Variants in DGLUCY observed in about 807,000 individuals in gnomAD.
DGLUCY encodes D-glutamate cyclase, mitochondrial.
In DGLUCY, 58 loss-of-function variants were observed where a neutral mutation model predicts 58.5. The ratio of observed to expected loss-of-function variants is 0.99; its 90% confidence interval spans 0.80 to 1.23. The LOEUF is 1.23. Ranked by LOEUF, DGLUCY falls within the 50% of genes most tolerant of loss-of-function variation. DGLUCY has a pLI of 0.00. For synonymous variants in DGLUCY, 325 were observed against 314.1 expected (o/e 1.03, Z -0.37); for missense variants, 779 against 784.7 (o/e 0.99, Z 0.09).
chr14:91,201,446 A>G (rs2050554247), intron 11 of DGLUCY, among the ~76,000 whole-genome samples: 1 of 151,956 alleles, frequency 6.6e-6, no homozygotes, highest in Non-Finnish European at 1.5e-5. Context: ...CTATAGGCGC[A>G]TGCCACCACG....
chr14:91,143,974 G>A (rs1281382717), intron 1 of DGLUCY, among the ~76,000 whole-genome samples: 2 of 152,092 alleles, frequency 1.3e-5, no homozygotes, highest in African/African-American at 2.4e-5. Flanking sequence ...GTGCCACCGC[G>A]AAGGGCCACC....
upstream of DGLUCY, among the ~76,000 whole-genome samples, chr14:91,113,759 C>T (rs1051062513): frequency 2.6e-5 from 4 of 152,218 alleles, no homozygotes; most frequent in Non-Finnish European, 4.4e-5. Context: ...TCCCAGTGCA[C>T]ACTGAAGTTT....
chr14:91,162,713 A>G (rs975349650), intron 3 of DGLUCY, among the ~76,000 whole-genome samples: 2 of 152,194 alleles, frequency 1.3e-5, no homozygotes, highest in African/African-American at 4.8e-5. Context: ...CCCGGCCAAC[A>G]TGGAGAAATC....
At chr14:91,206,941 A>G (rs1466572710) in intron 12 of DGLUCY, among the ~76,000 whole-genome samples, 1 of 152,074 alleles carries the variant, frequency 6.6e-6, no homozygotes, top group African/African-American at 2.4e-5. Flanking sequence ...TTAAGAAAGA[A>G]TAAATAAGAA....
chr14:91,201,465 A>G (rs113506752), intron 11 of DGLUCY, among the ~76,000 whole-genome samples: 1 of 151,856 alleles, frequency 6.6e-6, no homozygotes, highest in Non-Finnish European at 1.5e-5. Context: ...CGCCCAGCTA[A>G]TTTTTGTATT....
intron 1 of DGLUCY, among the ~76,000 whole-genome samples, chr14:91,129,936 C>T (rs536159452): frequency 6.6e-6 from 1 of 152,302 alleles, no homozygotes; most frequent in Non-Finnish European, 1.5e-5. Flanking sequence ...CATGAGCTAC[C>T]GTGCCCAGCC....
In DGLUCY at chr14:91,074,108, T is replaced by A. The variant is rs866885992; in HGVS notation, c.-82+13404T>A. ...TCATCTCTACCAAAAAAAAAAAATA[T>A]ATATATATATACACACACACACACA... On this transcript the variant is annotated intron_variant, in intron 1 of 4. Transcript: ENST00000521334. 3.9e-3 allele frequency among the ~76,000 whole-genome samples: 267 copies of A among 69,098 alleles called. 3 individuals are homozygous for A. Among genetic ancestry groups the A allele is most frequent in the Middle Eastern group, 0.014 (2 of 142 alleles). The allele number at this position is 69,098 out of a possible 152,430, so 45.3% of individuals were successfully genotyped here.
chr14:91,081,064 A>G (rs1021603070), intron 1 of DGLUCY, among the ~76,000 whole-genome samples: 19 of 152,264 alleles, frequency 1.2e-4, no homozygotes, highest in African/African-American at 4.1e-4. Flanking sequence ...TTAGCTGGGC[A>G]TGGCGGCATG....
At chr14:91,085,491 T>G (rs1426866206) in intron 1 of DGLUCY, among the ~76,000 whole-genome samples, 1 of 151,740 alleles carries the variant, frequency 6.6e-6, no homozygotes, top group Non-Finnish European at 1.5e-5. Flanking sequence ...TCAGTATCCA[T>G]GGAAGATTGG....
chr14:91,182,798 T>C (rs1403058282), intron 8 of DGLUCY, among the ~76,000 whole-genome samples: 2 of 152,180 alleles, frequency 1.3e-5, no homozygotes, highest in East Asian at 3.8e-4. Context: ...ATAACGCATC[T>C]CAGGGGAAGG....
chr14:91,137,471 C>G (rs2140234917), intron 1 of DGLUCY, among the ~76,000 whole-genome samples: 2 of 152,108 alleles, frequency 1.3e-5, no homozygotes, highest in South Asian at 4.1e-4. Flanking sequence ...CTGCAACCTC[C>G]ACCTTCCAGG....
At position 91,066,002 on chromosome 14, in the gene DGLUCY, G is replaced by A. The variant is rs953242256; in HGVS notation, c.-82+5298G>A. On this transcript the variant is annotated intron_variant, in intron 1 of 4. Transcript: ENST00000521334. ...GTGAAAAGGCTGAGACAGAGAGGTT[G>A]TCCAGCAAAAGGTCAGATTTCTGCT... is the stretch of plus-strand genomic sequence containing the variant. Among the ~76,000 whole-genome samples the A allele has an allele frequency of 1.8e-4, 27 of 152,138 alleles. 2 individuals carry two copies.
intron 12 of DGLUCY, among the ~76,000 whole-genome samples, chr14:91,208,062 C>G (rs574123724): frequency 6.6e-6 from 1 of 152,256 alleles, no homozygotes; most frequent in Non-Finnish European, 1.5e-5. Flanking sequence ...TTAATCTTTA[C>G]ATTACTGAAC....
chr14:91,163,619 C>T (rs1319981816), intron 3 of DGLUCY, among the ~76,000 whole-genome samples: 1 of 152,144 alleles, frequency 6.6e-6, no homozygotes, highest in East Asian at 1.9e-4. Context: ...CGGCGCTCCC[C>T]TCCTAGGGAA....
chr14:91,169,788 G>A lies in DGLUCY; in HGVS notation c.258-215G>A, dbSNP rs552397652. 8.5e-5 allele frequency among the ~76,000 whole-genome samples: 13 copies of A among 152,104 alleles called. No homozygotes were observed. In the South Asian group the frequency reaches 2.7e-3, roughly 32 times the overall value. ...CACACTGGGTGGGAGGTGGGGGTAC[G>A]TTCTATACGTGCTGATTTAATCGTT... On this transcript the variant is annotated intron_variant, in intron 4 of 13. Coordinates refer to ENST00000256324, the MANE Select transcript of DGLUCY (RefSeq NM_001102368.3).
In DGLUCY at chr14:91,189,084, A is replaced by G. The variant is rs1484108772; in HGVS notation, c.1109A>G (p.Gln370Arg). The change falls in exon 9 of 14, where the codon CAG becomes CGG. Residue 370 changes from glutamine (Q) to arginine (R), a missense_variant. Gln to Arg is a conservative substitution (Grantham distance 43). Transcript: ENST00000256324. ...PGAVALVAFL[Q>R]ALEKEVAIIV... The stretch of plus-strand genomic sequence containing the variant: ...GCTGTTGCTCTGGTTGCCTTCCTGC[A>G]GGCCTTGGAGAAGGAGGTCGCCATA... 2 of 1,614,060 alleles carry G rather than the reference A, an allele frequency of 1.2e-6. No individual in the cohort carries two copies. The highest frequency in any genetic ancestry group is 2.2e-5 in the East Asian group (1 of 44,888).
intron 1 of DGLUCY, among the ~76,000 whole-genome samples, chr14:91,087,262 A>C (rs937851209): frequency 2.0e-5 from 3 of 152,210 alleles, no homozygotes; most frequent in Non-Finnish European, 4.4e-5. Context: ...CCATTCAAAA[A>C]ATATTTATTG....
chr14:91,199,754 C>T lies in DGLUCY; in HGVS notation c.1296-3C>T. 1 of 1,614,026 alleles carries T rather than the reference C, an allele frequency of 6.2e-7. No homozygotes were observed. The highest frequency in any genetic ancestry group is 8.5e-7 in the Non-Finnish European group (1 of 1,179,916). The stretch of plus-strand genomic sequence containing the variant: ...CTGACCTCTGACCTTTGCTTCCCGG[C>T]AGATTTGACCACCTGGTGGCCATAG... On this transcript the variant is annotated splice_polypyrimidine_tract_variant and splice_region_variant and intron_variant, in intron 10 of 13. Transcript: ENST00000256324.
chr14:91,178,301 A>G (rs1238721408), intron 7 of DGLUCY, among the ~76,000 whole-genome samples: 1 of 151,962 alleles, frequency 6.6e-6, no homozygotes, highest in East Asian at 1.9e-4. Flanking sequence ...GAGTAGCTGG[A>G]CTACAGGTAT....
Sources: allele counts gnomAD v4.1 joint callset (sites outside exome capture counted in the v4.1 genomes callset), GRCh38; gene constraint gnomAD v4.1.1; transcripts MANE v1.5; gene names NCBI Gene and HGNC (gene_info 2026-07-23, HGNC 2026-07-21).